Variants in MALRD1 observed in about 807,000 individuals in gnomAD.
The protein encoded by MALRD1 is MAM and LDL-receptor class A domain-containing protein 1.
MALRD1 carries 247 observed loss-of-function variants against 242.1 expected under a neutral mutation model. The ratio of observed to expected loss-of-function variants is 1.02; its 90% CI spans 0.92 to 1.13. The LOEUF (loss-of-function observed/expected upper bound fraction) is 1.13, where lower values mean the gene tolerates loss of function less well. MALRD1 is among the 50% of genes most tolerant of loss of function. The pLI is 0.00. For synonymous variants in MALRD1, 995 were observed against 866.6 expected (o/e 1.15, Z -2.60); for missense variants, 2,989 against 2,533.1 (o/e 1.18, Z -3.86).
intron 29 of MALRD1, among the ~76,000 whole-genome samples, chr10:19,486,936 C>T (rs545329136): frequency 6.6e-6 from 1 of 152,076 alleles, no homozygotes; most frequent in South Asian, 2.1e-4. Flanking sequence ...CTATATAAAC[C>T]TTATGTTCTT....
intron 26 of MALRD1, among the ~76,000 whole-genome samples, chr10:19,384,008 A>G (rs1455530776): frequency 2.0e-5 from 3 of 151,848 alleles, no homozygotes; most frequent in Middle Eastern, 3.2e-3. Flanking sequence ...CCTAAGAAAA[A>G]AGACTTAAGG....
intron 33 of MALRD1, among the ~76,000 whole-genome samples, chr10:19,575,928 A>G (rs770714378): frequency 2.6e-5 from 4 of 152,218 alleles, no homozygotes; most frequent in Admixed American, 2.0e-4. Flanking sequence ...AGTACCAATT[A>G]TGTTGTCATT....
At chr10:19,093,891 A>T (rs1391793318) in intron 4 of MALRD1, among the ~76,000 whole-genome samples, 1 of 97,100 alleles carries the variant, frequency 1.0e-5, no homozygotes, top group East Asian at 3.3e-4. Flanking sequence ...GGTGCCTCCC[A>T]GTTAGGCTGC....
At chr10:19,544,111 G>C (rs1163494813) in intron 32 of MALRD1, among the ~76,000 whole-genome samples, 1 of 150,516 alleles carries the variant, frequency 6.6e-6, no homozygotes, top group Non-Finnish European at 1.5e-5. Flanking sequence ...TTGTCATATA[G>C]ATCTTTTGGT....
chr10:19,429,082 A>G (rs1834017347), intron 28 of MALRD1, among the ~76,000 whole-genome samples: 1 of 152,218 alleles, frequency 6.6e-6, no homozygotes, highest in South Asian at 2.1e-4. Context: ...TACTATAAGA[A>G]CTTTCTAAAG....
intron 14 of MALRD1, among the ~76,000 whole-genome samples, chr10:19,191,596 T>C (rs576588752): frequency 5.9e-5 from 9 of 152,350 alleles, no homozygotes; most frequent in African/African-American, 2.2e-4. Flanking sequence ...AACCCAATTA[T>C]TCATTGACTG....
In MALRD1 at chr10:19,734,333, G is replaced by T. The variant is rs1204096015; in HGVS notation, c.*96G>T. 27 of 1,035,942 alleles carry T rather than the reference G, an allele frequency of 2.6e-5. No individual in the cohort carries two copies. Among genetic ancestry groups the T allele is most frequent in the Non-Finnish European group, 3.8e-5 (27 of 715,646 alleles). The allele number at this position is 1,035,942 out of a possible 1,614,324, so 64.2% of individuals were successfully genotyped here. On this transcript the variant is annotated 3_prime_UTR_variant, in exon 40 of 40. Coordinates refer to ENST00000454679, the MANE Select transcript of MALRD1 (RefSeq NM_001142308.3). ...AACTCATCTTCTACAATGGTAAAAA[G>T]AGAAAGGATTGTAAATGCCAGTGTA...
At chr10:19,205,845 C>T (rs72786556) in intron 17 of MALRD1, among the ~76,000 whole-genome samples, 24,046 of 151,428 alleles carry the variant, frequency 0.16, 1,920 homozygotes, top group Middle Eastern at 0.22. Context: ...CAATTTGAAC[C>T]TAGCTCCAGA....
At chr10:19,418,228 A>G (rs1432689737) in intron 28 of MALRD1, among the ~76,000 whole-genome samples, 1 of 152,104 alleles carries the variant, frequency 6.6e-6, no homozygotes, top group Non-Finnish European at 1.5e-5. Flanking sequence ...AGATATATTC[A>G]GTAAACTAGC....
intron 11 of MALRD1, among the ~76,000 whole-genome samples, chr10:19,146,984 T>C (rs1186815055): frequency 6.6e-6 from 1 of 152,218 alleles, no homozygotes; most frequent in Non-Finnish European, 1.5e-5. Context: ...TCGGATGTCA[T>C]TCCCCATATA....
chr10:19,188,981 G>A (rs577085553), intron 14 of MALRD1, among the ~76,000 whole-genome samples: 4 of 152,102 alleles, frequency 2.6e-5, no homozygotes, highest in African/African-American at 9.6e-5. Flanking sequence ...TCAAACATTG[G>A]TTCTTCAAAA....
chr10:19,704,353 G>A (rs1324991803), intron 38 of MALRD1, among the ~76,000 whole-genome samples: 1 of 152,124 alleles, frequency 6.6e-6, no homozygotes, highest in Non-Finnish European at 1.5e-5. Flanking sequence ...TTCTGGTGAG[G>A]ACCCTCTCTC....
intron 21 of MALRD1, among the ~76,000 whole-genome samples, chr10:19,292,630 C>T (rs1039300196): frequency 4.6e-5 from 7 of 152,038 alleles, no homozygotes; most frequent in African/African-American, 9.7e-5. Flanking sequence ...GGGTGGTTCA[C>T]GCCTGTAATC....
At chr10:19,519,887 GA>G (rs1455919021) in intron 31 of MALRD1, among the ~76,000 whole-genome samples, 1 of 152,176 alleles carries the variant, frequency 6.6e-6, no homozygotes, top group Admixed American at 6.5e-5. Flanking sequence ...CAAAGCAAAT[GA>G]AGAGGGGTTC....
rs551530719 is a variant in MALRD1 at position 19,563,649 on chromosome 10, C to T, written c.5479-3853C>T. Among the ~76,000 whole-genome samples the T allele has an allele frequency of 7.2e-5, 11 of 152,314 alleles. No individual in the cohort carries two copies. In the South Asian group the frequency reaches 2.3e-3, roughly 32 times the overall value. Reference sequence around the variant, plus strand: ...GTCAGTGCCAGTGACCTGCCTTCAACATTGCAGGCACCAGGAGTGTTTGGA... The same window carrying T: ...GTCAGTGCCAGTGACCTGCCTTCAATATTGCAGGCACCAGGAGTGTTTGGA... On this transcript the variant is annotated intron_variant, in intron 32 of 39. Coordinates refer to ENST00000454679, the MANE Select transcript of MALRD1 (RefSeq NM_001142308.3).
chr10:19,734,310 C>A lies in MALRD1; in HGVS notation c.*73C>A. On this transcript the variant is annotated 3_prime_UTR_variant, in exon 40 of 40. Transcript: ENST00000454679. ...TGAAGTCTCCACAATCTGATAGAAA[C>A]TCATCTTCTACAATGGTAAAAAGAG... 8.3e-7 allele frequency: 1 copy of A among 1,202,062 alleles called. No individual in the cohort carries two copies. Among genetic ancestry groups the A allele is most frequent in the Non-Finnish European group, 1.2e-6 (1 of 852,470 alleles). The allele number at this position is 1,202,062 out of a possible 1,614,324, so 74.5% of individuals were successfully genotyped here.
intron 32 of MALRD1, among the ~76,000 whole-genome samples, chr10:19,548,634 G>T (rs1362887131): frequency 6.6e-6 from 1 of 151,960 alleles, no homozygotes; most frequent in South Asian, 2.1e-4. Context: ...TTTTTCTGGG[G>T]TGTTATGAAC....
chr10:19,349,722 T>C (rs1588950438), intron 25 of MALRD1, among the ~76,000 whole-genome samples: 1 of 152,320 alleles, frequency 6.6e-6, no homozygotes, highest in East Asian at 1.9e-4. Flanking sequence ...CATCTATAGA[T>C]ATTCTGAAAA....
intron 10 of MALRD1, among the ~76,000 whole-genome samples, chr10:19,141,756 A>G (rs1414379998): frequency 6.6e-6 from 1 of 152,170 alleles, no homozygotes; most frequent in Non-Finnish European, 1.5e-5. Flanking sequence ...AAATGCTAAT[A>G]TGAATTGTGT....
Sources: allele counts gnomAD v4.1 joint callset (sites outside exome capture counted in the v4.1 genomes callset), GRCh38; gene constraint gnomAD v4.1.1; transcripts MANE v1.5; gene names NCBI Gene and HGNC (gene_info 2026-07-23, HGNC 2026-07-21).